Variants in FAM227B observed in about 807,000 individuals in gnomAD.
The protein encoded by FAM227B is family with sequence similarity 227 member B.
Under a neutral mutation model 73.8 loss-of-function variants are expected in FAM227B, and 88 were observed. That is an observed-to-expected ratio of 1.19 (90% CI 1.00 to 1.42). FAM227B has a LOEUF of 1.42. Ranked by LOEUF, FAM227B falls within the 40% of genes most tolerant of loss-of-function variation. The pLI, the probability that FAM227B is intolerant of heterozygous loss-of-function variation, is 0.00. For missense variants in FAM227B, 632 were observed against 590.9 expected (o/e 1.07, Z -0.72); for synonymous variants, 210 against 190.5 (o/e 1.10, Z -0.84).
At chr15:49,478,024 C>G (rs951687392) in intron 11 of FAM227B, among the ~76,000 whole-genome samples, 4 of 152,164 alleles carry the variant, frequency 2.6e-5, no homozygotes, top group Non-Finnish European at 5.9e-5. Flanking sequence ...GCTCCCATCA[C>G]CCAGGTACTG....
Position 49,588,004 on chromosome 15 carries a change from T to A in FAM227B, c.405+12A>T. ...CCAACTTTCAAGGATGATAAAAACA[T>A]AGATACCATACCATTATCTTTTTTT... On this transcript the variant is annotated intron_variant, in intron 5 of 15. Transcript: ENST00000299338. 7.0e-7 allele frequency: 1 copy of A among 1,436,192 alleles called. No homozygotes were observed. Among genetic ancestry groups the A allele is most frequent in the Non-Finnish European group, 9.2e-7 (1 of 1,081,224 alleles). 89.0% of individuals were successfully genotyped at this position (1,436,192 alleles called of 1,614,324 possible).
At chr15:49,605,521 G>A (rs1327894832) in intron 3 of FAM227B, among the ~76,000 whole-genome samples, 6 of 152,192 alleles carry the variant, frequency 3.9e-5, no homozygotes, top group African/African-American at 1.4e-4. Context: ...GGGTTGGCCT[G>A]GTGCTGGGGT....
At chr15:49,564,214 C>T (rs993693524) in intron 9 of FAM227B, among the ~76,000 whole-genome samples, 30 of 152,074 alleles carry the variant, frequency 2.0e-4, no homozygotes, top group South Asian at 2.1e-4. Context: ...AAGACATACA[C>T]GCAGCAAACA....
In FAM227B at chr15:49,451,227, C is replaced by A. The variant is rs866983667; in HGVS notation, c.1012+56984G>T. ...CATTTAAAATTTTAACCAATTAGAG[C>A]TTGCCAATTTCTACAGAAAGTGTGA... is the stretch of plus-strand genomic sequence containing the variant. On this transcript the variant is annotated intron_variant, in intron 11 of 15. Coordinates refer to ENST00000299338, the MANE Select transcript of FAM227B (RefSeq NM_152647.3). Among the ~76,000 whole-genome samples the A allele has an allele frequency of 2.0e-5, 3 of 152,032 alleles. No homozygotes were observed. The East Asian group carries it at 5.8e-4, about 29-fold the overall frequency.
intron 11 of FAM227B, among the ~76,000 whole-genome samples, chr15:49,380,049 T>C (rs760947328): frequency 2.6e-5 from 4 of 152,264 alleles, no homozygotes; most frequent in Middle Eastern, 3.4e-3. Context: ...TCAAAAACCT[T>C]AGAAGTCTAA....
At chr15:49,539,136 G>A (rs2070697566) in intron 10 of FAM227B, among the ~76,000 whole-genome samples, 1 of 152,090 alleles carries the variant, frequency 6.6e-6, no homozygotes, top group African/African-American at 2.4e-5. Context: ...GACTAGGTGA[G>A]GTGTAGTGTT....
chr15:49,477,545 T>A (rs770260393), intron 11 of FAM227B, among the ~76,000 whole-genome samples: 13 of 152,236 alleles, frequency 8.5e-5, no homozygotes, highest in Non-Finnish European at 1.6e-4. Context: ...AATATTCCAG[T>A]GTATACGTGT....
chr15:49,529,759 T>C (rs1288026723), intron 10 of FAM227B, among the ~76,000 whole-genome samples: 1 of 151,672 alleles, frequency 6.6e-6, no homozygotes, highest in East Asian at 1.9e-4. Flanking sequence ...TCTTTTTCCT[T>C]CCCAGTTTCT....
chr15:49,599,723 T>C (rs907805198), intron 3 of FAM227B, among the ~76,000 whole-genome samples: 1 of 152,184 alleles, frequency 6.6e-6, no homozygotes, highest in African/African-American at 2.4e-5. Flanking sequence ...TTTCCAGTTC[T>C]CCTCCTATTA....
At chr15:49,588,547 C>CTATATATATATATA (rs71120695) in intron 4 of FAM227B, among the ~76,000 whole-genome samples, 1 of 38,054 alleles carries the variant, frequency 2.6e-5, no homozygotes, top group Non-Finnish European at 5.2e-5. Context: ...ATATTGAGGA[C>CTATATATATATATA]TATATATATA....
At chr15:49,418,786 A>C (rs539024733) in intron 11 of FAM227B, among the ~76,000 whole-genome samples, 78 of 151,014 alleles carry the variant, frequency 5.2e-4, no homozygotes, top group African/African-American at 1.8e-3. Context: ...AAAGATCAAA[A>C]AAAGAAAAAA....
chr15:49,553,671 C>T (rs548993779), intron 9 of FAM227B, among the ~76,000 whole-genome samples: 1 of 152,330 alleles, frequency 6.6e-6, no homozygotes, highest in South Asian at 2.1e-4. Context: ...CACCCTGTAG[C>T]CACTGTCACA....
chr15:49,445,725 T>A (rs765885560), intron 11 of FAM227B, among the ~76,000 whole-genome samples: 1 of 151,594 alleles, frequency 6.6e-6, no homozygotes, highest in Non-Finnish European at 1.5e-5. Context: ...TGATAATAGC[T>A]GTCCAGTTTT....
At chr15:49,525,362 C>T (rs2060086125) in intron 10 of FAM227B, among the ~76,000 whole-genome samples, 1 of 152,018 alleles carries the variant, frequency 6.6e-6, no homozygotes, top group Non-Finnish European at 1.5e-5. Flanking sequence ...TTCCTCCTTG[C>T]CTTCTGCCAT....
intron 5 of FAM227B, among the ~76,000 whole-genome samples, chr15:49,586,255 C>A (rs186928078): frequency 1.3e-5 from 2 of 152,216 alleles, no homozygotes; most frequent in Admixed American, 1.3e-4. Flanking sequence ...ACTACCTGAT[C>A]TTTGATAAAG....
chr15:49,421,889 C>T (rs1302745443), intron 11 of FAM227B, among the ~76,000 whole-genome samples: 1 of 152,094 alleles, frequency 6.6e-6, no homozygotes, highest in Non-Finnish European at 1.5e-5. Flanking sequence ...TCAACAGATG[C>T]AATGATCAAA....
intron 9 of FAM227B, among the ~76,000 whole-genome samples, chr15:49,561,902 A>T (rs1199482365): frequency 6.6e-6 from 1 of 152,140 alleles, no homozygotes; most frequent in Non-Finnish European, 1.5e-5. Flanking sequence ...AGTTACAAGG[A>T]TCTCAAATTA....
chr15:49,334,279 T>C, intron 14 of FAM227B: 3 of 976,300 alleles, frequency 3.1e-6, no homozygotes, highest in Non-Finnish European at 3.7e-6. Flanking sequence ...TCTTCATTAA[T>C]TCTGAGCTTT....
Position 49,484,252 on chromosome 15 carries a change from A to G in FAM227B, c.1012+23959T>C. On this transcript the variant is annotated intron_variant, in intron 11 of 15. Coordinates refer to ENST00000299338, the MANE Select transcript of FAM227B (RefSeq NM_152647.3). Reference sequence around the variant, plus strand: ...AATATTACCTGCTTACTCTTCGTTTAATTGAGCCTCTCTAAAAATCATTTG... The same window carrying G: ...AATATTACCTGCTTACTCTTCGTTTGATTGAGCCTCTCTAAAAATCATTTG... 3 of 1,287,934 alleles carry G rather than the reference A, an allele frequency of 2.3e-6. No individual in the cohort carries two copies. In the South Asian group the frequency reaches 3.9e-5, roughly 17 times the overall value. 79.8% of individuals were successfully genotyped at this position (1,287,934 alleles called of 1,614,324 possible).
Sources: gnomAD v4.1 joint callset for allele counts (sites outside exome capture counted in the v4.1 genomes callset) on GRCh38, gnomAD v4.1.1 for gene constraint, MANE v1.5 for transcripts, NCBI Gene and HGNC (gene_info 2026-07-23, HGNC 2026-07-21) for gene names.